Variants in SIM1 observed in about 807,000 individuals in gnomAD.
SIM1 encodes single-minded homolog 1.
In SIM1, 18 loss-of-function variants were observed where a neutral mutation model predicts 78.2. That is an observed-to-expected ratio of 0.23 (90% CI 0.16 to 0.34). The LOEUF (loss-of-function observed/expected upper bound fraction) is 0.34, where lower values mean the gene tolerates loss of function less well. Ranked by LOEUF, SIM1 falls within the 10% of genes least tolerant of loss-of-function variation. SIM1 has a pLI of 1.00. For synonymous variants in SIM1, 417 were observed against 385.2 expected (o/e 1.08, Z -0.97); for missense variants, 939 against 975.1 (o/e 0.96, Z 0.49).
chr6:100,447,656 G>A (rs905750565), intron 8 of SIM1, among the ~76,000 whole-genome samples: 2 of 152,222 alleles, frequency 1.3e-5, no homozygotes, highest in Non-Finnish European at 2.9e-5. Context: ...TTCACCATTA[G>A]CAAAGGGAGG....
chr6:100,405,551 C>T (rs2032511), intron 10 of SIM1, among the ~76,000 whole-genome samples: 55,349 of 151,844 alleles, frequency 0.36, 10,611 homozygotes, highest in East Asian at 0.74. Flanking sequence ...TATTATTTAT[C>T]CTGATTTTTT....
At chr6:100,404,872 G>A (rs1213248284) in intron 10 of SIM1, among the ~76,000 whole-genome samples, 1 of 152,162 alleles carries the variant, frequency 6.6e-6, no homozygotes, top group Non-Finnish European at 1.5e-5. Flanking sequence ...TGGAAACTAT[G>A]TGCCTGTGAT....
intron 11 of SIM1, among the ~76,000 whole-genome samples, chr6:100,392,878 G>A (rs539379803): frequency 5.9e-5 from 9 of 152,298 alleles, no homozygotes; most frequent in African/African-American, 1.9e-4. Context: ...TGTCCATTTC[G>A]ACGTGTTTAT....
At chr6:100,457,146 G>C (rs1772686091) in intron 2 of SIM1, among the ~76,000 whole-genome samples, 2 of 152,326 alleles carry the variant, frequency 1.3e-5, no homozygotes, top group Middle Eastern at 6.8e-3. Flanking sequence ...ATATATTACA[G>C]ACCCGACATC....
At chr6:100,458,522 G>T (rs997079361) in intron 2 of SIM1, among the ~76,000 whole-genome samples, 1 of 152,240 alleles carries the variant, frequency 6.6e-6, no homozygotes, top group African/African-American at 2.4e-5. Flanking sequence ...GGGCAGGAGG[G>T]GCTGCTGGCA....
chr6:100,412,616 GAA>G lies in SIM1; in HGVS notation c.1167+8172_1167+8173del, dbSNP rs1562239678. Among the ~76,000 whole-genome samples, 45 of 91,876 alleles carry G rather than the reference GAA, an allele frequency of 4.9e-4. 4 individuals are homozygous for G. Among genetic ancestry groups the G allele is most frequent in the African/African-American group, 1.6e-3 (41 of 26,038 alleles). 60.3% of individuals were successfully genotyped at this position (91,876 alleles called of 152,430 possible). ...GAAAGAAAGAAAGAAAGAAAGGAAA[GAA>G]AGAAGGAAAGAAAGAAAGAAAAGAA... On this transcript the variant is annotated intron_variant, in intron 10 of 11. Coordinates refer to ENST00000369208, the MANE Select transcript of SIM1 (RefSeq NM_005068.3).
chr6:100,461,841 CTT>C (rs10522700), intron 2 of SIM1, among the ~76,000 whole-genome samples: 57,056 of 114,022 alleles, frequency 0.5, 12,359 homozygotes, highest in South Asian at 0.65. Flanking sequence ...TTCTTTCTTT[CTT>C]TTTTTTTTTT....
intron 10 of SIM1, among the ~76,000 whole-genome samples, chr6:100,414,919 G>C (rs541417301): frequency 6.6e-6 from 1 of 152,162 alleles, no homozygotes; most frequent in Non-Finnish European, 1.5e-5. Flanking sequence ...GGGTTCTGTG[G>C]GATTATTTAA....
intron 11 of SIM1, 32 bp from the exon 12 acceptor site, chr6:100,391,123 T>A (rs988626772): frequency 6.5e-7 from 1 of 1,540,368 alleles, no homozygotes; most frequent in Non-Finnish European, 8.7e-7. Flanking sequence ...AAGTAAGTGA[T>A]CTCAGAATTC....
chr6:100,434,148 G>A (rs1342182409), intron 9 of SIM1, among the ~76,000 whole-genome samples: 1 of 152,170 alleles, frequency 6.6e-6, no homozygotes, highest in Non-Finnish European at 1.5e-5. Context: ...ACAATAAAAT[G>A]CTATCCTGCA....
chr6:100,454,307 A>T (rs949989631), intron 2 of SIM1, among the ~76,000 whole-genome samples: 1 of 152,200 alleles, frequency 6.6e-6, no homozygotes, highest in Admixed American at 6.5e-5. Context: ...GCCAGGTCCA[A>T]CCGGTCCTTG....
rs1455315970 is a variant in SIM1 at position 100,464,721 on chromosome 6, C to T, written c.-575G>A. 1 of 152,328 alleles carries T rather than the reference C, an allele frequency of 6.6e-6. No homozygotes were observed. Among genetic ancestry groups the T allele is most frequent in the Non-Finnish European group, 1.5e-5 (1 of 68,150 alleles). 9.4% of individuals were successfully genotyped at this position (152,328 alleles called of 1,614,324 possible). ...CGCCGGCCTCTCCGCTTCCCACCGGCAGAGAGGAGCAGAGCATTCCCGGCT... is the reference window on the plus strand; with the variant it reads ...CGCCGGCCTCTCCGCTTCCCACCGGTAGAGAGGAGCAGAGCATTCCCGGCT... On this transcript the variant is annotated 5_prime_UTR_variant, in exon 1 of 12. Transcript: ENST00000369208.
chr6:100,400,448 T>A (rs1362292816), intron 10 of SIM1, among the ~76,000 whole-genome samples: 1 of 151,486 alleles, frequency 6.6e-6, no homozygotes, highest in Non-Finnish European at 1.5e-5. Context: ...AAACACAATT[T>A]AAAAAAATGC....
rs1366994019 is a variant in SIM1, at chr6:100,393,926, A to G, written c.1168-37T>C. 7 of 1,511,660 alleles carry G rather than the reference A, an allele frequency of 4.6e-6. No individual in the cohort carries two copies. The African/African-American group carries it at 5.6e-5, about 12-fold the overall frequency. 93.6% of individuals were successfully genotyped at this position (1,511,660 alleles called of 1,614,324 possible). Reference sequence around the variant, plus strand: ...TAGGGGAGAAAAGTCCATTTCAAAAATCAATCGATCAGTAAGAGAAAACAA... The same window carrying G: ...TAGGGGAGAAAAGTCCATTTCAAAAGTCAATCGATCAGTAAGAGAAAACAA... On this transcript the variant is annotated intron_variant, in intron 10 of 11. Coordinates refer to ENST00000369208, the MANE Select transcript of SIM1 (RefSeq NM_005068.3).
chr6:100,461,379 G>C (rs1772838438), intron 2 of SIM1, among the ~76,000 whole-genome samples: 1 of 152,172 alleles, frequency 6.6e-6, no homozygotes, highest in African/African-American at 2.4e-5. Flanking sequence ...ACACCAAGCC[G>C]ACTAGCTTCC....
chr6:100,449,090 G>A (rs902068118), intron 6 of SIM1, among the ~76,000 whole-genome samples: 1 of 152,138 alleles, frequency 6.6e-6, no homozygotes, highest in Non-Finnish European at 1.5e-5. Flanking sequence ...GAGGCCTTAC[G>A]GACCCTTAAG....
Position 100,388,965 on chromosome 6 carries a change from T to C in SIM1, c.*1396A>G, listed in dbSNP as rs1286341062. 4.6e-5 allele frequency: 7 copies of C among 152,186 alleles called. No individual in the cohort carries two copies. Among genetic ancestry groups the C allele is most frequent in the African/African-American group, 1.2e-4 (5 of 41,436 alleles). 9.4% of individuals were successfully genotyped at this position (152,186 alleles called of 1,614,324 possible). ...ACTTCTGTGTACAGAAAAAACAGAA[T>C]GATCAGTCTTGACAACTCATAGCAG... On this transcript the variant is annotated 3_prime_UTR_variant, in exon 12 of 12. Transcript: ENST00000369208.
At chr6:100,397,135 A>G (rs1233071717) in intron 10 of SIM1, among the ~76,000 whole-genome samples, 1 of 152,242 alleles carries the variant, frequency 6.6e-6, no homozygotes, top group East Asian at 1.9e-4. Context: ...TAATTTTACT[A>G]TAAGGCCAAT....
intron 2 of SIM1, among the ~76,000 whole-genome samples, chr6:100,458,378 T>A (rs1772743646): frequency 6.6e-6 from 1 of 151,642 alleles, no homozygotes; most frequent in African/African-American, 2.4e-5. Context: ...CGCGGGCGAA[T>A]CCCACTTAGG....
Sources: gnomAD v4.1 joint callset for allele counts (sites outside exome capture counted in the v4.1 genomes callset) on GRCh38, gnomAD v4.1.1 for gene constraint, MANE v1.5 for transcripts, NCBI Gene and HGNC (gene_info 2026-07-23, HGNC 2026-07-21) for gene names.